The following MYH13 variants were observed in gnomAD, a reference collection of about 807,000 sequenced individuals.
The protein encoded by MYH13 is myosin-13.
A neutral mutation model predicts 232.1 loss-of-function variants in MYH13; 177 were observed. The ratio of observed to expected loss-of-function variants is 0.76; its 90% CI spans 0.67 to 0.86. The LOEUF (loss-of-function observed/expected upper bound fraction) is 0.86. MYH13 is among the 40% of genes least tolerant of loss of function. MYH13 has a pLI of 0.00. For missense variants in MYH13, 2,246 were observed against 2,405.9 expected (o/e 0.93, Z 1.39); for synonymous variants, 884 against 923.5 (o/e 0.96, Z 0.78).
intron 20 of MYH13, among the ~76,000 whole-genome samples, chr17:10,331,325 C>A (rs1410992832): frequency 6.6e-6 from 1 of 152,152 alleles, no homozygotes; most frequent in Non-Finnish European, 1.5e-5. Context: ...TTGCTGGAGA[C>A]CCCCAGCCTG....
At chr17:10,301,129 T>C (rs1203428250) in intron 40 of MYH13, among the ~76,000 whole-genome samples, 164 bp from the exon 41 acceptor site, 1 of 152,222 alleles carries the variant, frequency 6.6e-6, no homozygotes, top group Non-Finnish European at 1.5e-5. Context: ...ATCTAGCTAC[T>C]GGCGACAGGA....
At chr17:10,369,590 G>A (rs2071863736) in intron 2 of MYH13, among the ~76,000 whole-genome samples, 1 of 152,212 alleles carries the variant, frequency 6.6e-6, no homozygotes, top group Non-Finnish European at 1.5e-5. Context: ...AAAGTCTGAA[G>A]TCAGGGAAAG....
At chr17:10,335,806 A>ATTTTACATGTTAATTT in intron 18 of MYH13, among the ~76,000 whole-genome samples, 1 of 152,130 alleles carries the variant, frequency 6.6e-6, no homozygotes, top group Non-Finnish European at 1.5e-5. Context: ...AAAATGGTGA[A>ATTTTACATGTTAATTT]AGCAGGCATG....
intron 3 of MYH13, 106 bp downstream of exon 3, chr17:10,364,221 G>T: frequency 8.4e-7 from 1 of 1,194,372 alleles, no homozygotes; most frequent in Non-Finnish European, 1.2e-6. Context: ...ACTAAGTTTT[G>T]TTCTGTCTTC....
intron 2 of MYH13, among the ~76,000 whole-genome samples, chr17:10,368,032 G>A (rs908874604): frequency 2.0e-5 from 3 of 152,124 alleles, no homozygotes; most frequent in Non-Finnish European, 4.4e-5. Flanking sequence ...CATTTTGAGT[G>A]GATCTTCTTT....
intron 19 of MYH13, 51 bp downstream of exon 19, chr17:10,333,023 G>A (rs1315609682): frequency 1.4e-6 from 2 of 1,401,218 alleles, no homozygotes; most frequent in East Asian, 2.5e-5. Flanking sequence ...TTAGGGAAAT[G>A]CAAAAGGTGC....
chr17:10,359,317 G>A (rs1436039701), intron 7 of MYH13, among the ~76,000 whole-genome samples: 3 of 152,172 alleles, frequency 2.0e-5, no homozygotes, highest in African/African-American at 7.2e-5. Flanking sequence ...TCATGCTCAT[G>A]TAATGCAACC....
At position 10,339,518 on chromosome 17, in the gene MYH13, T is replaced by C. The variant is rs151145901; in HGVS notation, c.2056+632A>G. 9.8e-5 allele frequency among the ~76,000 whole-genome samples: 15 copies of C among 152,326 alleles called. No homozygotes were observed. In the East Asian group the frequency reaches 2.3e-3, roughly 23 times the overall value. On this transcript the variant is annotated intron_variant, in intron 18 of 40. Transcript: ENST00000252172. ...GCAGTATGGCTTCAAACAGTTGTTA[T>C]TGATGCTATTTTGATTATGGGATAC...
rs554864531 is a variant in MYH13 at position 10,349,888 on chromosome 17, C to T, written c.1144+668G>A. 7.4e-4 allele frequency among the ~76,000 whole-genome samples: 112 copies of T among 152,286 alleles called. 1 individual carries two copies. Among genetic ancestry groups the T allele is most frequent in the South Asian group, 4.2e-4 (2 of 4,818 alleles). ...AATCAAAAGGCAGAATTATCAAGAACGATCCATGTTGCCAGGCTTTAATTC... is the reference window on the plus strand; with the variant it reads ...AATCAAAAGGCAGAATTATCAAGAATGATCCATGTTGCCAGGCTTTAATTC... On this transcript the variant is annotated intron_variant, in intron 12 of 40. Coordinates refer to ENST00000252172, the MANE Select transcript of MYH13 (RefSeq NM_003802.3).
At chr17:10,322,376 G>A (rs1906985216) in intron 23 of MYH13, among the ~76,000 whole-genome samples, 1 of 152,138 alleles carries the variant, frequency 6.6e-6, no homozygotes, top group South Asian at 2.1e-4. Context: ...CTAGCCTGGT[G>A]ACAGAGCGAG....
chr17:10,307,869 A>T (rs543986627), intron 35 of MYH13, among the ~76,000 whole-genome samples: 1 of 152,324 alleles, frequency 6.6e-6, no homozygotes, highest in African/African-American at 2.4e-5. Context: ...AGTATATGAA[A>T]ATTTAGTTAT....
intron 6 of MYH13, 42 bp from the exon 7 acceptor site, chr17:10,360,113 G>A: frequency 2.5e-6 from 4 of 1,613,978 alleles, no homozygotes; most frequent in Non-Finnish European, 3.4e-6. Context: ...GAGTGGAAGG[G>A]AGGGCACTGG....
intron 2 of MYH13, among the ~76,000 whole-genome samples, 162 bp downstream of exon 2, chr17:10,371,047 A>G (rs2071874180): frequency 6.6e-6 from 1 of 152,170 alleles, no homozygotes; most frequent in South Asian, 2.1e-4. Context: ...CTTTGGTAAA[A>G]CCTGTATATA....
Position 10,309,728 on chromosome 17 carries a change from T to C in MYH13, c.4759A>G (p.Ile1587Val). ...TGGCTGTTTCTTTTTAGCTGCTCGA[T>C]TTCTTCATCCTTCTCAATGACCTTG... is the stretch of plus-strand genomic sequence containing the variant. ...DRKVIEKDEEIEQLKRNSQRA... is the reference protein window; with the variant it reads ...DRKVIEKDEEVEQLKRNSQRA... The change falls in exon 34 of 41, where the codon ATC becomes GTC. Residue 1587 changes from isoleucine to valine, a missense_variant. Transcript: ENST00000252172. The C allele has an allele frequency of 6.2e-7, 1 of 1,603,920 alleles. No individual in the cohort carries two copies. The highest frequency in any genetic ancestry group is 8.5e-7 in the Non-Finnish European group (1 of 1,175,100).
intron 20 of MYH13, 62 bp from the exon 21 acceptor site, chr17:10,330,585 G>A: frequency 1.9e-6 from 3 of 1,546,306 alleles, no homozygotes; most frequent in Non-Finnish European, 1.7e-6. Flanking sequence ...CCGGGCCCTT[G>A]AGGGGGCCTG....
At chr17:10,320,093 G>C in intron 26 of MYH13, 60 bp downstream of exon 26, 1 of 1,290,700 alleles carries the variant, frequency 7.7e-7, no homozygotes, top group Admixed American at 2.0e-5. Flanking sequence ...GGGGGAAGGA[G>C]TGAGGAGGGG....
In MYH13 at chr17:10,360,148, A is replaced by G. The variant is rs566859188; in HGVS notation, c.533+13T>C. ...GTTTCCAAGTCATGATGGTACAAAG[A>G]GGTGTTACTCACGTGATGAGGATAG... On this transcript the variant is annotated intron_variant, in intron 6 of 40. Transcript: ENST00000252172. The G allele has an allele frequency of 6.2e-7, 1 of 1,614,122 alleles. No individual in the cohort carries two copies. Among genetic ancestry groups the G allele is most frequent in the Admixed American group, 1.7e-5 (1 of 60,014 alleles).
intron 2 of MYH13, among the ~76,000 whole-genome samples, chr17:10,364,888 CTTTT>C (rs1220068061): frequency 1.3e-5 from 2 of 151,694 alleles, no homozygotes; most frequent in Non-Finnish European, 2.9e-5. Flanking sequence ...TTCTTTCTTT[CTTTT>C]GAGACAGAGT....
At chr17:10,342,008 T>C (rs1419498102) in intron 16 of MYH13, among the ~76,000 whole-genome samples, 1 of 152,140 alleles carries the variant, frequency 6.6e-6, no homozygotes, top group African/African-American at 2.4e-5. Context: ...TTTAAAAGTA[T>C]ATTTACTGGT....
Sources: allele counts gnomAD v4.1 joint callset (sites outside exome capture counted in the v4.1 genomes callset), GRCh38; gene constraint gnomAD v4.1.1; transcripts MANE v1.5; gene names NCBI Gene and HGNC (gene_info 2026-07-23, HGNC 2026-07-21).